The following LOXL2 variants were observed in gnomAD, a reference collection of about 807,000 sequenced individuals.
The protein encoded by LOXL2 is lysyl oxidase homolog 2.
In LOXL2, 70 loss-of-function variants were observed where a neutral mutation model predicts 93.0. The observed-to-expected ratio is 0.75, with a 90% CI of 0.62 to 0.92. LOXL2 has a LOEUF of 0.92. LOXL2 is among the 40% of genes least tolerant of loss of function. The probability of loss-of-function intolerance (pLI) is 0.00; values close to 1 mark genes in which losing one functional copy is unlikely to be tolerated. For missense variants in LOXL2, 973 were observed against 1,054.9 expected, an observed-to-expected ratio of 0.92 and a Z score of 1.08; for synonymous variants, 438 against 413.2, an observed-to-expected ratio of 1.06 and a Z score of -0.73.
At chr8:23,368,546 G>T in intron 1 of LOXL2, 112 bp from the exon 2 acceptor site, 1 of 600,986 alleles carries the variant, frequency 1.7e-6, no homozygotes, top group Non-Finnish European at 3.0e-6. Context: ...GTCCATTCTC[G>T]ACGCCAATCC....
At chr8:23,395,333 A>C (rs1442158055) in intron 1 of LOXL2, among the ~76,000 whole-genome samples, 1 of 151,844 alleles carries the variant, frequency 6.6e-6, no homozygotes, top group African/African-American at 2.4e-5. Flanking sequence ...AAAAAAAAAA[A>C]AACCACATAT....
In LOXL2 at chr8:23,340,860, G is replaced by A. The variant is rs1253925514; in HGVS notation, c.743+132C>T. The A allele has an allele frequency of 2.9e-5, 24 of 820,572 alleles. No individual in the cohort carries two copies. In the East Asian group the frequency reaches 5.9e-4, roughly 20 times the overall value. The allele number at this position is 820,572 out of a possible 1,614,324, so 50.8% of individuals were successfully genotyped here. ...TGGCCCGGCCCAGGGGCTCTGTGCA[G>A]GCTGCCTGCAGGGACACCAGCTTGC... On this transcript the variant is annotated intron_variant, in intron 4 of 13. Transcript: ENST00000389131.
chr8:23,319,461 G>C (rs1422055896), intron 8 of LOXL2, among the ~76,000 whole-genome samples: 4 of 152,192 alleles, frequency 2.6e-5, no homozygotes, highest in East Asian at 1.9e-4. Flanking sequence ...GACCAGAGCG[G>C]GTTTCAAGGG....
At chr8:23,373,084 T>C (rs1332750465) in intron 1 of LOXL2, among the ~76,000 whole-genome samples, 1 of 152,200 alleles carries the variant, frequency 6.6e-6, no homozygotes, top group Non-Finnish European at 1.5e-5. Context: ...AATCCCCAAA[T>C]ATTTGGGAAT....
intron 4 of LOXL2, among the ~76,000 whole-genome samples, chr8:23,335,796 A>C (rs17089124): frequency 0.06 from 9,210 of 152,252 alleles, 616 homozygotes; most frequent in African/African-American, 0.17. Context: ...CCTTTGTCTC[A>C]GAGTGAATGG....
At chr8:23,376,064 G>T (rs78476159) in intron 1 of LOXL2, among the ~76,000 whole-genome samples, 75,686 of 151,954 alleles carry the variant, frequency 0.5, 19,253 homozygotes, top group East Asian at 0.67. Flanking sequence ...AATATGATAT[G>T]GGCTGTGGGT....
intron 9 of LOXL2, among the ~76,000 whole-genome samples, chr8:23,316,078 A>G (rs4291276): frequency 0.77 from 117,557 of 152,078 alleles, 45,690 homozygotes; most frequent in East Asian, 0.91. Flanking sequence ...TGCAAGGGCT[A>G]GGAGATGCTA....
intron 1 of LOXL2, among the ~76,000 whole-genome samples, chr8:23,380,090 G>A (rs1479632092): frequency 2.0e-5 from 3 of 152,118 alleles, no homozygotes; most frequent in South Asian, 2.1e-4. Flanking sequence ...TTGCCCCCTC[G>A]CAACGTTTTA....
chr8:23,336,897 T>C (rs1803801648), intron 4 of LOXL2: 2 of 152,282 alleles, frequency 1.3e-5, no homozygotes, highest in South Asian at 2.1e-4. Context: ...GAATACAGTA[T>C]AGATTTCTGG....
At chr8:23,389,733 C>T (rs578145644) in intron 1 of LOXL2, among the ~76,000 whole-genome samples, 1 of 152,330 alleles carries the variant, frequency 6.6e-6, no homozygotes, top group African/African-American at 2.4e-5. Context: ...GTCCCCTTCC[C>T]TAATATGAGT....
chr8:23,317,199 A>C, intron 8 of LOXL2, 85 bp from the exon 9 acceptor site: 1 of 1,425,932 alleles, frequency 7.0e-7, no homozygotes, highest in Non-Finnish European at 9.8e-7. Context: ...GCCTCACAAA[A>C]ATCCCAATGT....
chr8:23,309,625 TC>T (rs1315735544), intron 10 of LOXL2, 42 bp downstream of exon 10: 3 of 1,372,512 alleles, frequency 2.2e-6, no homozygotes, highest in African/African-American at 1.5e-5. Context: ...CTGCAGGATG[TC>T]CGCCGGGCAG....
chr8:23,356,720 G>C (rs947421549), intron 3 of LOXL2, among the ~76,000 whole-genome samples: 8 of 152,208 alleles, frequency 5.3e-5, no homozygotes, highest in African/African-American at 9.7e-5. Flanking sequence ...TGATCTGTCT[G>C]ACAGCCAGAG....
At position 23,355,067 on chromosome 8, in the gene LOXL2, C is replaced by G. The variant is rs1051040540; in HGVS notation, c.531+5023G>C. Among the ~76,000 whole-genome samples, 2 of 150,588 alleles carry G rather than the reference C, an allele frequency of 1.3e-5. 1 individual carries two copies. On this transcript the variant is annotated intron_variant, in intron 3 of 13. Transcript: ENST00000389131. The stretch of plus-strand genomic sequence containing the variant: ...TCCCTCTCCCGGGTTCAACCTCAAC[C>G]TCCCAAGTAGCTGGGATTACAGGCG...
chr8:23,353,917 G>A (rs1268510563), intron 3 of LOXL2, among the ~76,000 whole-genome samples: 1 of 152,166 alleles, frequency 6.6e-6, no homozygotes, highest in Non-Finnish European at 1.5e-5. Flanking sequence ...GCAGGTTAGG[G>A]TACAAACCTT....
rs1196423417 is a variant in LOXL2 at position 23,298,063 on chromosome 8, T to C, written c.2305A>G (p.Asn769Asp). The change falls in exon 14 of 14, where the codon AAC becomes GAC. Residue 769 changes from asparagine (N) to aspartate (D), a missense_variant. By Grantham distance (23) the Asn-to-Asp change is conservative (BLOSUM62 1). Coordinates refer to ENST00000389131, the MANE Select transcript of LOXL2 (RefSeq NM_002318.3). ...CTTCTTTACTGCGGGGACAGCTGGT[T>C]GTTTAAGAGCCCGCTGAAGTGCTCA... ...KFEHFSGLLN[N>D]QLSPQ 9.3e-6 allele frequency: 15 copies of C among 1,613,788 alleles called. No individual in the cohort carries two copies. The highest frequency in any genetic ancestry group is 1.7e-6 in the Non-Finnish European group (2 of 1,180,014).
At chr8:23,353,821 C>G (rs1211704881) in intron 3 of LOXL2, among the ~76,000 whole-genome samples, 1 of 152,164 alleles carries the variant, frequency 6.6e-6, no homozygotes, top group East Asian at 1.9e-4. Context: ...AAACCATTGC[C>G]ACTGAACTAC....
intron 3 of LOXL2, among the ~76,000 whole-genome samples, chr8:23,342,700 G>C (rs1803903249): frequency 6.6e-6 from 1 of 151,736 alleles, no homozygotes; most frequent in African/African-American, 2.4e-5. Flanking sequence ...CAAAGTGCTG[G>C]GATTACAGGC....
At chr8:23,347,168 AAC>A (rs60464587) in intron 3 of LOXL2, among the ~76,000 whole-genome samples, 1,484 of 141,756 alleles carry the variant, frequency 0.01, 11 homozygotes, top group East Asian at 0.021. Context: ...AACACACACA[AAC>A]ACACACACAC....
Sources: allele counts gnomAD v4.1 joint callset (sites outside exome capture counted in the v4.1 genomes callset), GRCh38; gene constraint gnomAD v4.1.1; transcripts MANE v1.5; gene names NCBI Gene and HGNC (gene_info 2026-07-23, HGNC 2026-07-21).